Variants in FRMPD2 observed in about 807,000 individuals in gnomAD.
FRMPD2 encodes the protein FERM and PDZ domain-containing protein 2.
In FRMPD2, 96 loss-of-function variants were observed where a neutral mutation model predicts 140.1. The observed-to-expected ratio is 0.69, with a 90% CI of 0.58 to 0.81. FRMPD2 has a LOEUF of 0.81. FRMPD2 is among the 40% of genes least tolerant of loss of function. FRMPD2 has a pLI of 0.00. For missense variants in FRMPD2, 1,240 were observed against 1,447.4 expected (o/e 0.86, Z 2.32); for synonymous variants, 449 against 547.6 (o/e 0.82, Z 2.52).
At chr10:48,198,161 A>G (rs1021729300) in intron 15 of FRMPD2, among the ~76,000 whole-genome samples, 4 of 152,234 alleles carry the variant, frequency 2.6e-5, no homozygotes, top group Admixed American at 1.3e-4. Context: ...ACAATAATAC[A>G]CATTCATTGT....
chr10:48,210,852 T>C (rs965883776), intron 13 of FRMPD2, among the ~76,000 whole-genome samples: 1 of 152,244 alleles, frequency 6.6e-6, no homozygotes. Flanking sequence ...AAAACACAGA[T>C]GGAATATTTC....
chr10:48,231,521 C>G (rs2131923604), intron 10 of FRMPD2, among the ~76,000 whole-genome samples: 1 of 152,356 alleles, frequency 6.6e-6, no homozygotes, highest in South Asian at 2.1e-4. Flanking sequence ...GTACTTCTCT[C>G]TTTGTCTATA....
At position 48,159,357 on chromosome 10, in the gene FRMPD2, T is replaced by C. The variant is rs1449160969; in HGVS notation, c.3882-1987A>G. ...AGTAGTGTGGACAGATACCCCTGGG[T>C]ATCTGGGGATACCCAAGGATAGCCC... On this transcript the variant is annotated intron_variant, in intron 28 of 28. Transcript: ENST00000374201. 9.4e-6 allele frequency: 4 copies of C among 424,502 alleles called. No individual in the cohort carries two copies. The East Asian group carries it at 2.1e-4, about 23-fold the overall frequency. 26.3% of individuals were successfully genotyped at this position (424,502 alleles called of 1,614,324 possible).
chr10:48,206,234 G>A (rs1839195604), intron 14 of FRMPD2, among the ~76,000 whole-genome samples: 1 of 152,166 alleles, frequency 6.6e-6, no homozygotes, highest in African/African-American at 2.4e-5. Flanking sequence ...ACTTTTAAGA[G>A]CTACCAAAAA....
chr10:48,213,265 G>A (rs186783649), intron 12 of FRMPD2, among the ~76,000 whole-genome samples: 2 of 152,178 alleles, frequency 1.3e-5, no homozygotes, highest in East Asian at 1.9e-4. Context: ...TGTTCAGCAG[G>A]CTAGTGCATA....
chr10:48,232,740 G>A (rs1384815231), intron 9 of FRMPD2, among the ~76,000 whole-genome samples: 1 of 152,212 alleles, frequency 6.6e-6, no homozygotes, highest in Non-Finnish European at 1.5e-5. Context: ...CTAAACTTCA[G>A]AGAGAATTTG....
At chr10:48,238,665 A>C (rs572838952) in intron 7 of FRMPD2, among the ~76,000 whole-genome samples, 1 of 152,356 alleles carries the variant, frequency 6.6e-6, no homozygotes, top group South Asian at 2.1e-4. Flanking sequence ...AGCCCTCAAC[A>C]GGTCACCATG....
chr10:48,204,568 GA>G (rs1839162894), intron 14 of FRMPD2, among the ~76,000 whole-genome samples: 1 of 152,072 alleles, frequency 6.6e-6, no homozygotes, highest in Non-Finnish European at 1.5e-5. Flanking sequence ...TTAAAAATTT[GA>G]AAGGAAAAAA....
At chr10:48,195,762 T>C (rs1263148941) in intron 15 of FRMPD2, among the ~76,000 whole-genome samples, 3 of 152,250 alleles carry the variant, frequency 2.0e-5, no homozygotes, top group African/African-American at 7.2e-5. Flanking sequence ...TAAATTATTG[T>C]AATTCCACAC....
At chr10:48,264,002 T>A (rs1840639276) in intron 1 of FRMPD2, among the ~76,000 whole-genome samples, 1 of 152,142 alleles carries the variant, frequency 6.6e-6, no homozygotes, top group Non-Finnish European at 1.5e-5. Flanking sequence ...TTTATTAATG[T>A]AACCCACCAC....
intron 16 of FRMPD2, among the ~76,000 whole-genome samples, chr10:48,192,216 T>C (rs937076950): frequency 7.9e-5 from 12 of 152,254 alleles, no homozygotes; most frequent in African/African-American, 2.7e-4. Context: ...GATGGCCTTC[T>C]GTAAATCTCT....
At chr10:48,162,541 G>A (rs2132388102) in intron 28 of FRMPD2, among the ~76,000 whole-genome samples, 1 of 147,870 alleles carries the variant, frequency 6.8e-6, no homozygotes, top group South Asian at 2.1e-4. Context: ...CCATGCCTCT[G>A]GCTGGCAAAT....
chr10:48,272,839 T>A (rs1033976588), intron 1 of FRMPD2, among the ~76,000 whole-genome samples: 2 of 152,232 alleles, frequency 1.3e-5, no homozygotes, highest in Non-Finnish European at 2.9e-5. Flanking sequence ...CATTGACAGA[T>A]GAGTGAAGTT....
At chr10:48,241,576 A>G (rs1404481098) in intron 5 of FRMPD2, among the ~76,000 whole-genome samples, 1 of 152,166 alleles carries the variant, frequency 6.6e-6, no homozygotes, top group Non-Finnish European at 1.5e-5. Flanking sequence ...TTCCCCAGTA[A>G]ATAACTTGCA....
At chr10:48,246,977 A>T (rs977747229) in intron 3 of FRMPD2, among the ~76,000 whole-genome samples, 1 of 152,212 alleles carries the variant, frequency 6.6e-6, no homozygotes, top group African/African-American at 2.4e-5. Flanking sequence ...GCCATGCTTC[A>T]TATGCCTAGA....
chr10:48,259,335 A>T (rs561906084), intron 1 of FRMPD2, among the ~76,000 whole-genome samples: 1 of 152,342 alleles, frequency 6.6e-6, no homozygotes, highest in African/African-American at 2.4e-5. Flanking sequence ...ACTTAAGGTC[A>T]CAAAAGCCAC....
At chr10:48,260,429 G>T (rs1840565939) in intron 1 of FRMPD2, among the ~76,000 whole-genome samples, 1 of 152,154 alleles carries the variant, frequency 6.6e-6, no homozygotes, top group Non-Finnish European at 1.5e-5. Context: ...GGAAAAAAGG[G>T]ATGAGTGTCT....
chr10:48,174,644 G>C (rs1304217431), intron 24 of FRMPD2, among the ~76,000 whole-genome samples: 1 of 151,084 alleles, frequency 6.6e-6, no homozygotes, highest in African/African-American at 2.4e-5. Flanking sequence ...GCTATCTATG[G>C]GGGGTGAGAT....
chr10:48,234,679 G>C (rs1426292330), intron 9 of FRMPD2, among the ~76,000 whole-genome samples: 1 of 152,138 alleles, frequency 6.6e-6, no homozygotes, highest in Non-Finnish European at 1.5e-5. Flanking sequence ...GGTCTAAAAA[G>C]TATTTTACTG....
Sources: allele counts gnomAD v4.1 joint callset (sites outside exome capture counted in the v4.1 genomes callset), GRCh38; gene constraint gnomAD v4.1.1; transcripts MANE v1.5; gene names NCBI Gene and HGNC (gene_info 2026-07-23, HGNC 2026-07-21).